The following ITGB8 variants were observed in gnomAD, a reference collection of about 807,000 sequenced individuals.
ITGB8 encodes integrin subunit beta 8.
Under a neutral mutation model 89.5 loss-of-function variants are expected in ITGB8, and 30 were observed. The ratio of observed to expected loss-of-function variants is 0.34; its 90% CI spans 0.25 to 0.45. ITGB8 has a LOEUF of 0.45. ITGB8 is among the 20% of genes least tolerant of loss of function. The probability of loss-of-function intolerance (pLI) is 1.00; values close to 1 mark genes in which losing one functional copy is unlikely to be tolerated. For missense variants in ITGB8, 836 were observed against 933.3 expected (o/e 0.90, Z 1.36); for synonymous variants, 335 against 320.4 (o/e 1.05, Z -0.49).
chr7:20,356,052 C>T (rs1583484025), intron 1 of ITGB8, among the ~76,000 whole-genome samples: 1 of 152,156 alleles, frequency 6.6e-6, no homozygotes, highest in East Asian at 1.9e-4. Flanking sequence ...ACTTCAGAAC[C>T]TCCCTACTCA....
At position 20,413,982 on chromosome 7, in the gene ITGB8, A is replaced by G. The variant is rs1787851240; in HGVS notation, c.*3985A>G. On this transcript the variant is annotated 3_prime_UTR_variant, in exon 14 of 14. Coordinates refer to ENST00000222573, the MANE Select transcript of ITGB8 (RefSeq NM_002214.3). ...TTTCCTTTTCTTTTATAATTCCTCT[A>G]TAGCAAATTTTTATGTATAACTGAT... 1 of 152,064 alleles carries G rather than the reference A, an allele frequency of 6.6e-6. No individual in the cohort carries two copies. Among genetic ancestry groups the G allele is most frequent in the African/African-American group, 2.4e-5 (1 of 41,422 alleles). 9.4% of individuals were successfully genotyped at this position (152,064 alleles called of 1,614,324 possible).
At chr7:20,336,837 A>T (rs1221801689) in intron 1 of ITGB8, among the ~76,000 whole-genome samples, 1 of 152,252 alleles carries the variant, frequency 6.6e-6, no homozygotes, top group African/African-American at 2.4e-5. Flanking sequence ...TTCACAAAGT[A>T]TCTGGAGTAA....
rs1408899212 is a variant in ITGB8 at position 20,331,092 on chromosome 7, TGCGGGTGTCG to T, written c.-707_-698del. 1.3e-5 allele frequency: 2 copies of T among 153,172 alleles called. No individual in the cohort carries two copies. Among genetic ancestry groups the T allele is most frequent in the Non-Finnish European group, 2.9e-5 (2 of 68,708 alleles). The allele number at this position is 153,172 out of a possible 1,614,324, so 9.5% of individuals were successfully genotyped here. A position where few individuals can be genotyped will look rare whatever the true frequency, so the allele number is the denominator to read the frequency against. On this transcript the variant is annotated 5_prime_UTR_variant, in exon 1 of 14. The change abolishes the stop of an existing upstream ORF in the 5' untranslated region. Coordinates refer to ENST00000222573, the MANE Select transcript of ITGB8 (RefSeq NM_002214.3). Reference sequence around the variant, plus strand: ...GAGCGGCGATGCCTCGCTCTGTGCCTGCGGGTGTCGGCGGGTGCTTCTAGGGCGCTCCCAG... The same window carrying T: ...GAGCGGCGATGCCTCGCTCTGTGCCTGCGGGTGCTTCTAGGGCGCTCCCAG...
chr7:20,355,534 C>G (rs1157998138), intron 1 of ITGB8, among the ~76,000 whole-genome samples: 2 of 152,128 alleles, frequency 1.3e-5, no homozygotes, highest in Non-Finnish European at 2.9e-5. Context: ...AATCACTGGA[C>G]CAGCAAACAG....
At chr7:20,361,310 C>T (rs768464013) in intron 1 of ITGB8, among the ~76,000 whole-genome samples, 54 of 152,210 alleles carry the variant, frequency 3.5e-4, no homozygotes, top group East Asian at 1.2e-3. Flanking sequence ...TACAAGTTGG[C>T]GAAAGTCAAA....
intron 2 of ITGB8, chr7:20,365,881 G>C (rs1785674915): frequency 6.6e-6 from 1 of 151,536 alleles, no homozygotes; most frequent in African/African-American, 2.4e-5. Flanking sequence ...AGAGGCAAGG[G>C]AGAGGCAGGC....
intron 3 of ITGB8, among the ~76,000 whole-genome samples, chr7:20,378,005 G>A (rs753824310): frequency 2.6e-5 from 4 of 151,896 alleles, no homozygotes; most frequent in African/African-American, 7.3e-5. Context: ...TTTTCCATTC[G>A]GAATATTCTT....
At chr7:20,399,043 C>T (rs757586358) in intron 9 of ITGB8, 49 bp downstream of exon 9, 39 of 1,568,220 alleles carry the variant, frequency 2.5e-5, no homozygotes, top group Middle Eastern at 3.3e-4. Flanking sequence ...AGTTGTTTGG[C>T]GTACTTTCTT....
chr7:20,371,026 T>C (rs1189917931), intron 3 of ITGB8, among the ~76,000 whole-genome samples: 2 of 152,310 alleles, frequency 1.3e-5, no homozygotes, highest in Non-Finnish European at 2.9e-5. Context: ...ATTAACTGTA[T>C]GTGATAAGAA....
At chr7:20,377,055 T>C (rs997051972) in intron 3 of ITGB8, among the ~76,000 whole-genome samples, 1 of 152,126 alleles carries the variant, frequency 6.6e-6, no homozygotes, top group East Asian at 1.9e-4. Flanking sequence ...TGAGGGCCCT[T>C]GTGTGGCTAG....
intron 1 of ITGB8, among the ~76,000 whole-genome samples, chr7:20,339,400 C>T (rs892597566): frequency 8.6e-5 from 13 of 151,994 alleles, no homozygotes; most frequent in African/African-American, 2.4e-4. Context: ...TTTCCTCTTT[C>T]GCAGTAAGTA....
chr7:20,343,054 C>T (rs977708925), intron 1 of ITGB8, among the ~76,000 whole-genome samples: 4 of 152,120 alleles, frequency 2.6e-5, no homozygotes, highest in African/African-American at 9.7e-5. Context: ...GTAGACACGG[C>T]AGAGTTGAAC....
chr7:20,330,302 C>T (rs1228722986), upstream of ITGB8, among the ~76,000 whole-genome samples: 1 of 152,194 alleles, frequency 6.6e-6, no homozygotes, highest in Non-Finnish European at 1.5e-5. Flanking sequence ...AAGCAAAGTG[C>T]TGAGTAGAGG....
intron 3 of ITGB8, among the ~76,000 whole-genome samples, chr7:20,372,138 A>G (rs575487654): frequency 6.6e-6 from 1 of 152,280 alleles, no homozygotes; most frequent in South Asian, 2.1e-4. Context: ...AACTATAACT[A>G]TATTCTTTTA....
chr7:20,388,421 A>G (rs540617456), intron 6 of ITGB8, among the ~76,000 whole-genome samples: 14 of 152,316 alleles, frequency 9.2e-5, no homozygotes, highest in African/African-American at 3.4e-4. Flanking sequence ...ACTTTTTTGA[A>G]GATAGGCTGC....
Position 20,331,571 on chromosome 7 carries a change from G to C in ITGB8, c.-236G>C, listed in dbSNP as rs1784395100. 2.2e-6 allele frequency: 1 copy of C among 459,114 alleles called. No homozygotes were observed. The highest frequency in any genetic ancestry group is 2.0e-5 in the African/African-American group (1 of 49,034). The allele number at this position is 459,114 out of a possible 1,614,324, so 28.4% of individuals were successfully genotyped here. The stretch of plus-strand genomic sequence containing the variant: ...GCCGTCGAAGGAGGTGCTTCTCGCG[G>C]AGACCGCGGGACCCGCCGTGCCGAG... On this transcript the variant is annotated 5_prime_UTR_variant, in exon 1 of 14. Transcript: ENST00000222573.
At chr7:20,330,283 C>A (rs1221639860), upstream of ITGB8, among the ~76,000 whole-genome samples, 1 of 152,200 alleles carries the variant, frequency 6.6e-6, no homozygotes, top group Non-Finnish European at 1.5e-5. Context: ...AGGACGAGCT[C>A]CTAACTGCAA....
intron 1 of ITGB8, among the ~76,000 whole-genome samples, chr7:20,344,879 G>C (rs1784871686): frequency 1.3e-5 from 2 of 152,160 alleles, no homozygotes; most frequent in South Asian, 4.1e-4. Flanking sequence ...CACTGTGCCT[G>C]GTATTGCTGT....
intron 12 of ITGB8, among the ~76,000 whole-genome samples, chr7:20,406,432 C>A (rs1227036780): frequency 6.6e-6 from 1 of 151,980 alleles, no homozygotes; most frequent in Non-Finnish European, 1.5e-5. Context: ...CACCTGTAGT[C>A]CCACCTACTC....
Sources: gnomAD v4.1 joint callset for allele counts (sites outside exome capture counted in the v4.1 genomes callset) on GRCh38, gnomAD v4.1.1 for gene constraint, MANE v1.5 for transcripts, NCBI Gene and HGNC (gene_info 2026-07-23, HGNC 2026-07-21) for gene names.